ADAMTS12: variants seen among roughly 807,000 people sequenced by gnomAD.
The protein encoded by ADAMTS12 is A disintegrin and metalloproteinase with thrombospondin motifs 12.
Under a neutral mutation model 167.8 loss-of-function variants are expected in ADAMTS12, and 118 were observed. The ratio of observed to expected loss-of-function variants is 0.70; its 90% CI spans 0.61 to 0.82. The LOEUF (loss-of-function observed/expected upper bound fraction) is 0.82, where lower values mean the gene tolerates loss of function less well. Ranked by LOEUF, ADAMTS12 falls within the 40% of genes least tolerant of loss-of-function variation. ADAMTS12 has a pLI of 0.00. For synonymous variants in ADAMTS12, 704 were observed against 716.9 expected, an observed-to-expected ratio of 0.98 and a Z score of 0.29; for missense variants, 1,916 against 1,998.8, an observed-to-expected ratio of 0.96 and a Z score of 0.79.
chr5:33,882,394 C>A, intron 1 of ADAMTS12, among the ~76,000 whole-genome samples: 1 of 152,072 alleles, frequency 6.6e-6, no homozygotes, highest in South Asian at 2.1e-4. Flanking sequence ...ATAAAAACTG[C>A]CACTTTAAAA....
Position 33,526,298 on chromosome 5 carries a change from T to C in ADAMTS12, c.*890A>G, listed in dbSNP as rs1256619963. On this transcript the variant is annotated 3_prime_UTR_variant, in exon 24 of 24. Coordinates refer to ENST00000504830, the MANE Select transcript of ADAMTS12 (RefSeq NM_030955.4). ...GTGGGACCTGAGCTCAGGCCTCCTGTGGGGACTGGAGGATGGGAGGAAGTC... is the reference window on the plus strand; with the variant it reads ...GTGGGACCTGAGCTCAGGCCTCCTGCGGGGACTGGAGGATGGGAGGAAGTC... The C allele has an allele frequency of 6.6e-6, 1 of 152,192 alleles. No homozygotes were observed. The highest frequency in any genetic ancestry group is 2.4e-5 in the African/African-American group (1 of 41,446). The allele number at this position is 152,192 out of a possible 1,614,324, so 9.4% of individuals were successfully genotyped here.
At chr5:33,810,205 G>GA (rs1371149986) in intron 2 of ADAMTS12, among the ~76,000 whole-genome samples, 6 of 152,020 alleles carry the variant, frequency 3.9e-5, no homozygotes, top group Admixed American at 1.3e-4. Flanking sequence ...TCTGGTAGCA[G>GA]AAAAAAATGC....
At chr5:33,648,650 A>G (rs1483403928) in intron 9 of ADAMTS12, among the ~76,000 whole-genome samples, 172 bp downstream of exon 9, 1 of 152,238 alleles carries the variant, frequency 6.6e-6, no homozygotes, top group Non-Finnish European at 1.5e-5. Context: ...GGCAATGTCA[A>G]GGCATGTGAT....
intron 3 of ADAMTS12, among the ~76,000 whole-genome samples, chr5:33,721,643 A>G (rs1743810410): frequency 6.6e-6 from 1 of 152,242 alleles, no homozygotes; most frequent in African/African-American, 2.4e-5. Context: ...TGAGCTGGCA[A>G]AGCAAACGCT....
intron 18 of ADAMTS12, among the ~76,000 whole-genome samples, chr5:33,582,718 T>C (rs1014044748): frequency 1.3e-5 from 2 of 152,240 alleles, no homozygotes; most frequent in Non-Finnish European, 2.9e-5. Context: ...CTAGACTCTG[T>C]GTGTGTCTGC....
chr5:33,633,674 T>C (rs1288372990), intron 12 of ADAMTS12, among the ~76,000 whole-genome samples: 3 of 152,046 alleles, frequency 2.0e-5, no homozygotes, highest in Non-Finnish European at 2.9e-5. Context: ...GCTGTGGTTA[T>C]ATCATTAAGT....
At chr5:33,564,305 C>T (rs1268402107) in intron 19 of ADAMTS12, among the ~76,000 whole-genome samples, 1 of 152,264 alleles carries the variant, frequency 6.6e-6, no homozygotes, top group African/African-American at 2.4e-5. Context: ...ATAGAGACAC[C>T]AAACTGGGAC....
At chr5:33,633,086 TG>T (rs1439647288) in intron 12 of ADAMTS12, among the ~76,000 whole-genome samples, 1 of 151,418 alleles carries the variant, frequency 6.6e-6, no homozygotes, top group Non-Finnish European at 1.5e-5. Context: ...GCTGTTAGCA[TG>T]GTTATCTTGG....
intron 3 of ADAMTS12, among the ~76,000 whole-genome samples, chr5:33,719,368 C>T (rs186358654): frequency 1.2e-3 from 183 of 152,224 alleles, no homozygotes; most frequent in Middle Eastern, 3.4e-3. Flanking sequence ...GAGCAGGCAC[C>T]CTCATACACT....
At chr5:33,891,462 C>T (rs1750848932) in intron 1 of ADAMTS12, 1 of 418,378 alleles carries the variant, frequency 2.4e-6, no homozygotes. Flanking sequence ...TTACCAGCTA[C>T]CTCTTGGGTC....
intron 5 of ADAMTS12, among the ~76,000 whole-genome samples, chr5:33,678,079 T>C (rs1741984208): frequency 6.6e-6 from 1 of 152,172 alleles, no homozygotes; most frequent in Non-Finnish European, 1.5e-5. Flanking sequence ...AGAAAGTCAC[T>C]GATAAAAGGA....
In ADAMTS12 at chr5:33,654,612, G is replaced by T. The variant is rs78366092; in HGVS notation, c.1190+3572C>A. 4.1e-4 allele frequency among the ~76,000 whole-genome samples: 62 copies of T among 152,290 alleles called. 3 individuals are homozygous for T. In the East Asian group the frequency reaches 0.01, roughly 25 times the overall value. ...CTAGGGGAGCCCTCATTACTGGCCT[G>T]TAGGGATCAAAGTCTTAGTCCCTAA... is the stretch of plus-strand genomic sequence containing the variant. On this transcript the variant is annotated intron_variant, in intron 7 of 23. Coordinates refer to ENST00000504830, the MANE Select transcript of ADAMTS12 (RefSeq NM_030955.4).
intron 2 of ADAMTS12, among the ~76,000 whole-genome samples, chr5:33,845,477 A>G (rs1748909903): frequency 6.6e-6 from 1 of 152,360 alleles, no homozygotes; most frequent in African/African-American, 2.4e-5. Context: ...TGTATTAATA[A>G]TAACAGATAT....
At chr5:33,630,003 C>A (rs1739846737) in intron 13 of ADAMTS12, among the ~76,000 whole-genome samples, 1 of 152,184 alleles carries the variant, frequency 6.6e-6, no homozygotes, top group South Asian at 2.1e-4. Context: ...TGACAGAAGA[C>A]TGAGTCTTAG....
chr5:33,868,951 A>G (rs148787527), intron 2 of ADAMTS12, among the ~76,000 whole-genome samples: 15 of 152,346 alleles, frequency 9.8e-5, no homozygotes, highest in African/African-American at 3.4e-4. Flanking sequence ...GCCATGTGGT[A>G]GAAAATAAAA....
intron 18 of ADAMTS12, among the ~76,000 whole-genome samples, chr5:33,584,476 G>C (rs1245521065): frequency 1.3e-5 from 2 of 152,112 alleles, no homozygotes; most frequent in Non-Finnish European, 2.9e-5. Context: ...AGCTCAAGGA[G>C]AGGATAGGTG....
intron 10 of ADAMTS12, among the ~76,000 whole-genome samples, chr5:33,642,845 A>G (rs569678853): frequency 1.3e-5 from 2 of 152,274 alleles, no homozygotes; most frequent in African/African-American, 4.8e-5. Context: ...CAAAACATGT[A>G]AGCTCTAGGC....
chr5:33,741,040 C>A (rs1419987461), intron 3 of ADAMTS12, among the ~76,000 whole-genome samples: 1 of 152,260 alleles, frequency 6.6e-6, no homozygotes, highest in Non-Finnish European at 1.5e-5. Context: ...TGTGTGGCCC[C>A]TCTAGTCACA....
intron 2 of ADAMTS12, among the ~76,000 whole-genome samples, chr5:33,861,677 C>A (rs543884455): frequency 6.6e-6 from 1 of 152,234 alleles, no homozygotes; most frequent in South Asian, 2.1e-4. Context: ...ACCAAGCAGA[C>A]CTAATATACA....
Sources: allele counts gnomAD v4.1 joint callset (sites outside exome capture counted in the v4.1 genomes callset), GRCh38; gene constraint gnomAD v4.1.1; transcripts MANE v1.5; gene names NCBI Gene and HGNC (gene_info 2026-07-23, HGNC 2026-07-21).